Variants in ABI3BP observed in about 807,000 individuals in gnomAD.
The protein encoded by ABI3BP is target of Nesh-SH3.
A neutral mutation model predicts 268.6 loss-of-function variants in ABI3BP; 216 were observed. The ratio of observed to expected loss-of-function variants is 0.80; its 90% CI spans 0.72 to 0.90. The LOEUF is 0.90. Among genes scored for constraint, ABI3BP ranks in the 40% least tolerant of loss-of-function variants. The pLI is 0.00. For missense variants in ABI3BP, 2,090 were observed against 2,182.4 expected, an observed-to-expected ratio of 0.96 and a Z score of 0.84; for synonymous variants, 730 against 730.0, an observed-to-expected ratio of 1.00 and a Z score of 0.00.
chr3:100,924,067 C>T (rs534636045), intron 2 of ABI3BP, among the ~76,000 whole-genome samples: 7 of 152,196 alleles, frequency 4.6e-5, no homozygotes, highest in African/African-American at 7.2e-5. Context: ...ATTACATCTT[C>T]GTAGGAAATA....
intron 63 of ABI3BP, among the ~76,000 whole-genome samples, chr3:100,760,230 G>T (rs2095861869): frequency 6.6e-6 from 1 of 152,216 alleles, no homozygotes; most frequent in African/African-American, 2.4e-5. Context: ...TTACTAGACA[G>T]TACATTTTCC....
At chr3:100,827,810 G>A (rs1470114420) in intron 34 of ABI3BP, among the ~76,000 whole-genome samples, 1 of 151,976 alleles carries the variant, frequency 6.6e-6, no homozygotes, top group Non-Finnish European at 1.5e-5. Flanking sequence ...GATTAAAAAG[G>A]TTATAAATCA....
intron 1 of ABI3BP, among the ~76,000 whole-genome samples, chr3:100,991,076 TC>T (rs1177349191): frequency 6.6e-6 from 1 of 152,220 alleles, no homozygotes; most frequent in Non-Finnish European, 1.5e-5. Flanking sequence ...CCTTTGAGCA[TC>T]CTCACATAGC....
At chr3:100,955,450 G>A (rs1038797163) in intron 1 of ABI3BP, among the ~76,000 whole-genome samples, 1 of 152,124 alleles carries the variant, frequency 6.6e-6, no homozygotes, top group African/African-American at 2.4e-5. Context: ...CATGCATTTA[G>A]CAACTATTAA....
rs557247638 is a variant in ABI3BP, at chr3:100,862,909, G to A, written c.1139C>T (p.Ala380Val). 3.6e-5 allele frequency: 55 copies of A among 1,534,978 alleles called. No homozygotes were observed. In the East Asian group the frequency reaches 1.3e-3, roughly 38 times the overall value. ...PQFELPLSTL[A>V]PKSLPEFPEA... is the part of the protein sequence containing the mutation. ...AGGAAATTCTGGAAGGCTTTTTGGA[G>A]CTGTAATGAAACACATAAAGAAAGT... The change falls in exon 13 of 68, where the codon GCT becomes GTT. Residue 380 changes from alanine to valine, a missense_variant and splice_region_variant. Physicochemically the swap from Ala to Val is moderately conservative, Grantham distance 64. Transcript: ENST00000471714.
chr3:100,770,749 C>T lies in ABI3BP; in HGVS notation c.4735G>A (p.Val1579Ile). 1 of 1,495,892 alleles carries T rather than the reference C, an allele frequency of 6.7e-7. No individual in the cohort carries two copies. The highest frequency in any genetic ancestry group is 1.5e-5 in the South Asian group (1 of 68,802). 92.7% of individuals were successfully genotyped at this position (1,495,892 alleles called of 1,614,324 possible). A position where few individuals can be genotyped will look rare whatever the true frequency, so the allele number is the denominator to read the frequency against. Reference sequence around the variant, plus strand: ...CCTCATGCCATGATCTTACCAGTGACAGTGTCATTTAGTGGCTTTTCCCAG... The same window carrying T: ...CCTCATGCCATGATCTTACCAGTGATAGTGTCATTTAGTGGCTTTTCCCAG... ...LDWEKPLNDT[V>I]TEYEVISREN... Residue 1579 changes from valine to isoleucine, a missense_variant, in exon 62 of 68, where the codon GTC (valine) becomes ATC (isoleucine). Physicochemically the swap from Val to Ile is conservative, Grantham distance 29 (BLOSUM62 3). Coordinates refer to ENST00000471714, the MANE Select transcript of ABI3BP (RefSeq NM_001375547.2).
Position 100,751,591 on chromosome 3 carries a change from C to A in ABI3BP, c.5206G>T (p.Gly1736Trp). The A allele has an allele frequency of 6.3e-7, 1 of 1,597,968 alleles. No individual in the cohort carries two copies. The highest frequency in any genetic ancestry group is 2.2e-5 in the East Asian group (1 of 44,466). The part of the protein sequence containing the change: ...FVDSFLDGRT[G>W]QQLTSDQLPI... ...AACTGGTCAGAAGTGAGTTGCTGCC[C>A]AGTGCGTCCATCTAAAAATGAATCC... The change falls in exon 67 of 68, where the codon GGG (glycine) becomes TGG (tryptophan). Residue 1736 changes from glycine to tryptophan, a missense_variant. Coordinates refer to ENST00000471714, the MANE Select transcript of ABI3BP (RefSeq NM_001375547.2).
intron 63 of ABI3BP, among the ~76,000 whole-genome samples, chr3:100,765,635 T>G (rs1271916826): frequency 6.6e-6 from 1 of 152,202 alleles, no homozygotes; most frequent in Non-Finnish European, 1.5e-5. Context: ...AAGACCACCT[T>G]GTCAGCAATT....
At chr3:100,968,584 A>T (rs1037393035) in intron 1 of ABI3BP, among the ~76,000 whole-genome samples, 3 of 151,950 alleles carry the variant, frequency 2.0e-5, no homozygotes, top group Admixed American at 6.6e-5. Flanking sequence ...CTTGGTCTGT[A>T]TCTTTTAAAC....
intron 1 of ABI3BP, among the ~76,000 whole-genome samples, chr3:100,967,491 G>A (rs2081822774): frequency 7.9e-6 from 1 of 127,102 alleles, no homozygotes; most frequent in Non-Finnish European, 1.6e-5. Context: ...GTGACAGAGT[G>A]AGACTCCATC....
chr3:100,937,794 C>T (rs569838276), intron 1 of ABI3BP, among the ~76,000 whole-genome samples: 5 of 152,132 alleles, frequency 3.3e-5, no homozygotes, highest in South Asian at 2.1e-4. Context: ...AAGTAGAAAA[C>T]GTTCCAATGC....
rs1582999478 is a variant in ABI3BP at position 100,909,304 on chromosome 3, C to A, written c.260-6618G>T. Among the ~76,000 whole-genome samples the A allele has an allele frequency of 2.0e-5, 3 of 152,128 alleles. No homozygotes were observed. The East Asian group carries it at 5.8e-4, about 29-fold the overall frequency. On this transcript the variant is annotated intron_variant, in intron 2 of 67. Transcript: ENST00000471714. ...AACGTAAGACCCAAAACCATAAAAA[C>A]CCTAGAAGAAAACCGAGGCAATACC...
rs141235301 is a variant in ABI3BP, at chr3:100,945,377, T to G, written c.80-18896A>C. 4.2e-3 allele frequency among the ~76,000 whole-genome samples: 645 copies of G among 152,282 alleles called. 3 individuals carry two copies. Among genetic ancestry groups the G allele is most frequent in the African/African-American group, 0.014 (598 of 41,560 alleles). ...CTCCCATTTTAAGTATACAGCTCAA[T>G]GATTTTATAGCTCAAACTCACAGAA... On this transcript the variant is annotated intron_variant, in intron 1 of 67. Coordinates refer to ENST00000471714, the MANE Select transcript of ABI3BP (RefSeq NM_001375547.2).
In ABI3BP at chr3:100,791,656, T is replaced by C. The variant is rs114983819; in HGVS notation, c.4024+1035A>G. 3.1e-3 allele frequency among the ~76,000 whole-genome samples: 478 copies of C among 151,978 alleles called. 2 individuals carry two copies. Among genetic ancestry groups the C allele is most frequent in the African/African-American group, 0.011 (468 of 41,520 alleles). ...TACTTCAGACTTCTGTGTGTAATTA[T>C]AAATTAACAGCAAATAAAAATTAAA... is the stretch of plus-strand genomic sequence containing the variant. On this transcript the variant is annotated intron_variant, in intron 55 of 67. Transcript: ENST00000471714.
At chr3:100,900,855 T>C (rs1302940701) in intron 3 of ABI3BP, among the ~76,000 whole-genome samples, 2 of 152,208 alleles carry the variant, frequency 1.3e-5, no homozygotes, top group African/African-American at 4.8e-5. Context: ...TAAACAATAA[T>C]TTCTAAGGCT....
intron 1 of ABI3BP, 56 bp downstream of exon 1, chr3:100,993,250 T>C: frequency 8.0e-7 from 1 of 1,250,404 alleles, no homozygotes; most frequent in Non-Finnish European, 1.1e-6. Flanking sequence ...AATCAACATT[T>C]AAAAACATCT....
intron 67 of ABI3BP, among the ~76,000 whole-genome samples, chr3:100,751,239 G>A (rs534250218): frequency 6.7e-4 from 102 of 152,150 alleles, no homozygotes; most frequent in African/African-American, 2.3e-3. Flanking sequence ...TAAAAATAAC[G>A]CAAGTACACT....
intron 56 of ABI3BP, 79 bp from the exon 57 acceptor site, chr3:100,787,881 T>C (rs758775185): frequency 2.2e-5 from 23 of 1,055,364 alleles, no homozygotes; most frequent in African/African-American, 1.5e-4. Context: ...TCTCAGAGAA[T>C]TGAAAGTCAT....
chr3:100,832,837 G>A (rs896558553), intron 30 of ABI3BP, among the ~76,000 whole-genome samples: 4 of 152,134 alleles, frequency 2.6e-5, no homozygotes, highest in African/African-American at 9.7e-5. Context: ...TTGATACTAC[G>A]TTGGTGCTCT....
Sources: allele counts gnomAD v4.1 joint callset (sites outside exome capture counted in the v4.1 genomes callset), GRCh38; gene constraint gnomAD v4.1.1; transcripts MANE v1.5; gene names NCBI Gene and HGNC (gene_info 2026-07-23, HGNC 2026-07-21).